C10orf53: variants seen among roughly 807,000 people sequenced by gnomAD.
C10orf53 encodes the protein UPF0728 protein C10orf53.
In C10orf53, 8 loss-of-function variants were observed where a neutral mutation model predicts 9.4. The observed-to-expected ratio is 0.85, with a 90% CI of 0.50 to 1.53. The LOEUF (loss-of-function observed/expected upper bound fraction) is 1.53, where lower values mean the gene tolerates loss of function less well. Among genes scored for constraint, C10orf53 ranks in the 40% most tolerant of loss-of-function variants. The pLI, the probability that C10orf53 is intolerant of heterozygous loss-of-function variation, is 0.00. For missense variants in C10orf53, 117 were observed against 117.8 expected, an observed-to-expected ratio of 0.99 and a Z score of 0.03; for synonymous variants, 48 against 46.0, an observed-to-expected ratio of 1.04 and a Z score of -0.18.
rs557172696 is a variant in C10orf53 at position 49,704,673 on chromosome 10, G to A, written c.218-3688G>A. 9.9e-5 allele frequency among the ~76,000 whole-genome samples: 15 copies of A among 152,264 alleles called. No homozygotes were observed. In the Middle Eastern group the frequency reaches 0.01, roughly 104 times the overall value. ...GTGGGAGAATTGCTTGAACCCAGGA[G>A]GCAGAGGTTGCAGTGAGTCGAGATT... is the stretch of plus-strand genomic sequence containing the variant. On this transcript the variant is annotated intron_variant, in intron 2 of 2. Transcript: ENST00000374112.
intron 1 of C10orf53, among the ~76,000 whole-genome samples, chr10:49,691,751 TGCAGGAGG>T (rs1318484647): frequency 1.3e-5 from 2 of 152,214 alleles, no homozygotes; most frequent in African/African-American, 4.8e-5. Context: ...CAGCAGGCCC[TGCAGGAGG>T]GCCAGGGGCA....
chr10:49,679,808 CCGCGTG>C lies in C10orf53; in HGVS notation c.97+18_97+23del, dbSNP rs1232973949. On this transcript the variant is annotated intron_variant, in intron 1 of 2. Transcript: ENST00000374111. ...AGGGCCTGCAAGGTGGGCCTCCTCG[CCGCGTG>C]CGCCCCTGAGGGCCCCAGCCTCTGA... 3 of 1,526,678 alleles carry C rather than the reference CCGCGTG, an allele frequency of 2.0e-6. No homozygotes were observed. Among genetic ancestry groups the C allele is most frequent in the East Asian group, 5.1e-5 (2 of 39,242 alleles). The allele number at this position is 1,526,678 out of a possible 1,614,324, so 94.6% of individuals were successfully genotyped here.
In C10orf53 at chr10:49,682,638, G is replaced by A. The variant is rs568629632; in HGVS notation, c.97+2844G>A. 3.2e-4 allele frequency among the ~76,000 whole-genome samples: 49 copies of A among 152,262 alleles called. 2 individuals are homozygous for A. The highest frequency in any genetic ancestry group is 1.9e-4 in the Non-Finnish European group (13 of 68,010). ...TATTCCCTTAGTTGGTCCCGCCCAT[G>A]TCCTGCTGATTGGTCCATTTTACAG... On this transcript the variant is annotated intron_variant, in intron 1 of 2. Transcript: ENST00000374111.
Position 49,694,892 on chromosome 10 carries a change from C to T in C10orf53, c.*290C>T. 1 of 1,186,802 alleles carries T rather than the reference C, an allele frequency of 8.4e-7. No homozygotes were observed. The highest frequency in any genetic ancestry group is 3.2e-5 in the South Asian group (1 of 31,712). The allele number at this position is 1,186,802 out of a possible 1,614,324, so 73.5% of individuals were successfully genotyped here. ...TTGAGCTGAAGGAAACAATAAAATG[C>T]AATCAAATAACAAGGTGCCATTCCT... On this transcript the variant is annotated 3_prime_UTR_variant, in exon 3 of 3. Coordinates refer to ENST00000374111, the MANE Select transcript of C10orf53 (RefSeq NM_001042427.3).
chr10:49,708,987 A>C (rs1840742680), exon 3 of C10orf53: 1 of 222,332 alleles, frequency 4.5e-6, no homozygotes, highest in South Asian at 9.5e-5. Context: ...GTTTAACTGG[A>C]TTCCTATCTC....
At chr10:49,701,388 A>C (rs939211200), downstream of C10orf53, among the ~76,000 whole-genome samples, 1 of 152,142 alleles carries the variant, frequency 6.6e-6, no homozygotes, top group African/African-American at 2.4e-5. Context: ...GTTTTGTACA[A>C]ATTGCTGCGT....
Position 49,692,570 on chromosome 10 carries a change from G to A in C10orf53, c.98-1204G>A, listed in dbSNP as rs535038557. Among the ~76,000 whole-genome samples the A allele has an allele frequency of 3.9e-5, 6 of 152,150 alleles. No homozygotes were observed. The South Asian group carries it at 8.3e-4, about 21-fold the overall frequency. On this transcript the variant is annotated intron_variant, in intron 1 of 2. Transcript: ENST00000374111. ...GCAAGACTTTAAAGAATATGCCCCC[G>A]TCTGTTTTCTCTTTCCATCCTAAAC...
At chr10:49,684,680 A>G (rs1300189527) in intron 1 of C10orf53, among the ~76,000 whole-genome samples, 2 of 152,150 alleles carry the variant, frequency 1.3e-5, no homozygotes, top group African/African-American at 4.8e-5. Context: ...TAGAAATACA[A>G]CTGCTTTTTG....
intron 1 of C10orf53, among the ~76,000 whole-genome samples, chr10:49,686,253 T>C (rs1840527130): frequency 6.6e-6 from 1 of 152,250 alleles, no homozygotes; most frequent in African/African-American, 2.4e-5. Context: ...ATCAATACTC[T>C]TATAATTTCT....
At chr10:49,706,443 A>C (rs1840722976) in intron 2 of C10orf53, among the ~76,000 whole-genome samples, 1 of 152,232 alleles carries the variant, frequency 6.6e-6, no homozygotes, top group Admixed American at 6.5e-5. Context: ...AACAGGCATG[A>C]ACCTTGAAAA....
At chr10:49,706,204 G>C (rs1840721144) in intron 2 of C10orf53, among the ~76,000 whole-genome samples, 1 of 152,172 alleles carries the variant, frequency 6.6e-6, no homozygotes, top group African/African-American at 2.4e-5. Context: ...CCCTAAAAAA[G>C]TAAAACATTG....
Position 49,696,760 on chromosome 10 carries a change from G to A in C10orf53, c.*2158G>A, listed in dbSNP as rs370898109. On this transcript the variant is annotated 3_prime_UTR_variant, in exon 3 of 3. Transcript: ENST00000374111. ...AGGTTTCCTCTGAGCAGTGGGATTGGGGGGTGTGGGGGGCAGGTGAGGTAG... is the reference window on the plus strand; with the variant it reads ...AGGTTTCCTCTGAGCAGTGGGATTGAGGGGTGTGGGGGGCAGGTGAGGTAG... 6.6e-6 allele frequency among the ~76,000 whole-genome samples: 1 copy of A among 152,192 alleles called. No homozygotes were observed. The highest frequency in any genetic ancestry group is 2.4e-5 in the African/African-American group (1 of 41,438).
intron 1 of C10orf53, among the ~76,000 whole-genome samples, chr10:49,682,192 C>T (rs547479353): frequency 6.6e-6 from 1 of 152,266 alleles, no homozygotes; most frequent in East Asian, 1.9e-4. Context: ...CATCACTATT[C>T]TCTCTTTTTA....
At chr10:49,682,821 AC>A (rs1840493055) in intron 1 of C10orf53, among the ~76,000 whole-genome samples, 2 of 151,726 alleles carry the variant, frequency 1.3e-5, no homozygotes, top group South Asian at 4.2e-4. Flanking sequence ...TTCACCTCTC[AC>A]CTCCACCCCC....
At chr10:49,691,864 G>A (rs1840587539) in intron 1 of C10orf53, among the ~76,000 whole-genome samples, 1 of 152,246 alleles carries the variant, frequency 6.6e-6, no homozygotes, top group South Asian at 2.1e-4. Context: ...TTAGAGAGTT[G>A]GCACTGGGTG....
chr10:49,696,097 TAGAC>T lies in C10orf53; in HGVS notation c.*1497_*1500del, dbSNP rs1196739535. The T allele has an allele frequency of 6.6e-6, 1 of 152,220 alleles. No homozygotes were observed. The highest frequency in any genetic ancestry group is 1.5e-5 in the Non-Finnish European group (1 of 68,032). 9.4% of individuals were successfully genotyped at this position (152,220 alleles called of 1,614,324 possible). On this transcript the variant is annotated 3_prime_UTR_variant, in exon 3 of 3. Transcript: ENST00000374111. ...TTATGTCTGAATATTCATAAAGAGA[TAGAC>T]ATATAGAAATTGACTTCATCCATTT...
intron 1 of C10orf53, among the ~76,000 whole-genome samples, chr10:49,684,559 A>G (rs1381019918): frequency 6.9e-6 from 1 of 145,750 alleles, no homozygotes; most frequent in Non-Finnish European, 1.5e-5. Context: ...TTTTCAGTGT[A>G]TAAGACTTGC....
intron 1 of C10orf53, among the ~76,000 whole-genome samples, chr10:49,692,797 T>A (rs927301108): frequency 1.3e-5 from 2 of 152,194 alleles, no homozygotes; most frequent in African/African-American, 4.8e-5. Context: ...AATCTGACAA[T>A]TATTCCATAA....
intron 2 of C10orf53, among the ~76,000 whole-genome samples, chr10:49,704,467 G>T (rs551522701): frequency 6.6e-6 from 1 of 152,168 alleles, no homozygotes; most frequent in African/African-American, 2.4e-5. Flanking sequence ...TAGGCCAGGC[G>T]CAGTAGCTCA....
Sources: gnomAD v4.1 joint callset for allele counts (sites outside exome capture counted in the v4.1 genomes callset) on GRCh38, gnomAD v4.1.1 for gene constraint, MANE v1.5 for transcripts, NCBI Gene and HGNC (gene_info 2026-07-23, HGNC 2026-07-21) for gene names.